Variants in EPG5 observed in about 807,000 individuals in gnomAD.
EPG5 encodes ectopic P-granules 5 autophagy tethering factor.
In EPG5, 159 loss-of-function variants were observed where a neutral mutation model predicts 302.7. The observed-to-expected ratio is 0.53, with a 90% CI of 0.46 to 0.60. The LOEUF is 0.60. Ranked by LOEUF, EPG5 falls within the 20% of genes least tolerant of loss-of-function variation. The pLI, the probability that EPG5 is intolerant of heterozygous loss-of-function variation, is 0.00. For synonymous variants in EPG5, 1,158 were observed against 1,136.8 expected (o/e 1.02, Z -0.37); for missense variants, 2,896 against 3,092.4 (o/e 0.94, Z 1.51).
At position 45,916,000 on chromosome 18, in the gene EPG5, G is replaced by GTTAA. The variant is rs928783336; in HGVS notation, c.3582+5_3582+8dup. On this transcript the variant is annotated intron_variant, in intron 19 of 43. Coordinates refer to ENST00000282041, the MANE Select transcript of EPG5 (RefSeq NM_020964.3). ...CACTGAAAGATAAATTCTCTAACAGGTTAATTACCTTATGTTGTTGGTAGA... is the reference window on the plus strand; with the variant it reads ...CACTGAAAGATAAATTCTCTAACAGGTTAATTAATTACCTTATGTTGTTGGTAGA... The GTTAA allele has an allele frequency of 1.2e-6, 2 of 1,601,540 alleles. No homozygotes were observed. The highest frequency in any genetic ancestry group is 2.7e-5 in the African/African-American group (2 of 74,374).
At chr18:45,861,889 G>A (rs2048643970) in intron 39 of EPG5, among the ~76,000 whole-genome samples, 1 of 151,964 alleles carries the variant, frequency 6.6e-6, no homozygotes, top group Non-Finnish European at 1.5e-5. Flanking sequence ...ATTAATTACT[G>A]ATGTAGCTGG....
the EPG5 span, among the ~76,000 whole-genome samples, chr18:45,827,319 C>T: frequency 6.6e-6 from 1 of 152,186 alleles, no homozygotes; most frequent in South Asian, 2.1e-4. Context: ...GATTTGAACC[C>T]AGGTGTGTGG....
chr18:45,853,615 A>C (rs1045491600), intron 43 of EPG5, among the ~76,000 whole-genome samples: 3 of 152,212 alleles, frequency 2.0e-5, no homozygotes, highest in Non-Finnish European at 2.9e-5. Context: ...GAAAATATGT[A>C]TTAAAAGATG....
intron 10 of EPG5, among the ~76,000 whole-genome samples, chr18:45,937,065 G>A (rs9959763): frequency 0.29 from 43,970 of 151,502 alleles, 8,689 homozygotes; most frequent in African/African-American, 0.55. Context: ...TATCTTATTA[G>A]TTAATTATCC....
chr18:45,919,506 C>T (rs2050105190), intron 16 of EPG5, among the ~76,000 whole-genome samples: 1 of 150,338 alleles, frequency 6.7e-6, no homozygotes, highest in African/African-American at 2.5e-5. Context: ...AGGCATGTTA[C>T]ATGTGTGGTT....
intron 16 of EPG5, among the ~76,000 whole-genome samples, chr18:45,918,681 A>T (rs1411395312): frequency 6.6e-6 from 1 of 152,246 alleles, no homozygotes; most frequent in Non-Finnish European, 1.5e-5. Context: ...TCAATTGGAA[A>T]TATTATTGTA....
chr18:45,815,011 T>C, the EPG5 span, among the ~76,000 whole-genome samples: 1 of 152,144 alleles, frequency 6.6e-6, no homozygotes, highest in African/African-American at 2.4e-5. Flanking sequence ...GCCTCAGAGG[T>C]GAGTGCTCTC....
At position 45,889,947 on chromosome 18, in the gene EPG5, A is replaced by G; in HGVS notation, c.4810-7T>C. On this transcript the variant is annotated splice_polypyrimidine_tract_variant and splice_region_variant and intron_variant, in intron 27 of 43. Coordinates refer to ENST00000282041, the MANE Select transcript of EPG5 (RefSeq NM_020964.3). ...TCTTATGCATGCCTTCAAACTAACA[A>G]AAATTAAAGTTATCAAAAGACATTT... The G allele has an allele frequency of 6.4e-7, 1 of 1,559,570 alleles. No homozygotes were observed. Among genetic ancestry groups the G allele is most frequent in the Non-Finnish European group, 8.7e-7 (1 of 1,149,522 alleles).
At position 45,858,001 on chromosome 18, in the gene EPG5, T is replaced by A. The variant is rs768694584; in HGVS notation, c.7294A>T (p.Thr2432Ser). Reference protein sequence around the residue: ...HQVLQLSLIQTEQNDSVLTES... With the variant: ...HQVLQLSLIQSEQNDSVLTES... ...GTCAGGACGGAGTCATTCTGCTCTGTCTGAATGAGGGAGAGCTGAAGGACT... is the reference window on the plus strand; with the variant it reads ...GTCAGGACGGAGTCATTCTGCTCTGACTGAATGAGGGAGAGCTGAAGGACT... The change falls in exon 42 of 44, where the codon ACA becomes TCA. Residue 2432 changes from threonine to serine, a missense_variant. Around this residue, in one of 5 missense-constraint regions of EPG5, gnomAD observed 620 missense variants for 704.2 expected, o/e 0.88. Transcript: ENST00000282041. The A allele has an allele frequency of 4.3e-6, 7 of 1,613,750 alleles. No homozygotes were observed. Among genetic ancestry groups the A allele is most frequent in the African/African-American group, 1.3e-5 (1 of 74,938 alleles).
chr18:45,924,778 T>G (rs926090284), intron 14 of EPG5, among the ~76,000 whole-genome samples: 1 of 152,216 alleles, frequency 6.6e-6, no homozygotes, highest in Non-Finnish European at 1.5e-5. Context: ...AACAACTCTA[T>G]GCGCAGTGGC....
intron 24 of EPG5, among the ~76,000 whole-genome samples, chr18:45,905,996 G>A (rs8091448): frequency 6.6e-6 from 1 of 151,896 alleles, no homozygotes; most frequent in Admixed American, 6.6e-5. Flanking sequence ...TTCTCTGTGC[G>A]TTAAATGCTG....
intron 4 of EPG5, among the ~76,000 whole-genome samples, chr18:45,950,169 C>T (rs997789982): frequency 6.6e-6 from 1 of 152,186 alleles, no homozygotes; most frequent in African/African-American, 2.4e-5. Flanking sequence ...GATACTTTAT[C>T]TAAAATGCAC....
intron 31 of EPG5, 139 bp downstream of exon 31, chr18:45,882,135 C>A: frequency 1.3e-6 from 1 of 757,604 alleles, no homozygotes; most frequent in Non-Finnish European, 2.1e-6. Flanking sequence ...TTCATCAAGC[C>A]CTTTAGATGA....
intron 22 of EPG5, among the ~76,000 whole-genome samples, chr18:45,912,050 G>C (rs772180054): frequency 3.9e-5 from 6 of 152,110 alleles, no homozygotes; most frequent in African/African-American, 7.2e-5. Context: ...CCCAATCCCA[G>C]GGTGTTGTCT....
chr18:45,836,890 C>T, the EPG5 span: 1 of 597,990 alleles, frequency 1.7e-6, no homozygotes, highest in African/African-American at 1.9e-5. Flanking sequence ...GCCTCTAGTG[C>T]ACTAGAATGC....
At chr18:45,830,202 G>A in the EPG5 span, among the ~76,000 whole-genome samples, 1 of 152,328 alleles carries the variant, frequency 6.6e-6, no homozygotes, top group Non-Finnish European at 1.5e-5. Context: ...GGAGATTTTG[G>A]TCAGCTGTGG....
intron 35 of EPG5, among the ~76,000 whole-genome samples, chr18:45,872,039 ATATAAT>A (rs1270975880): frequency 6.6e-6 from 1 of 152,266 alleles, no homozygotes; most frequent in Non-Finnish European, 1.5e-5. Context: ...CCATCAATGT[ATATAAT>A]TATGATTTGT....
At chr18:45,959,320 G>A (rs942551004) in intron 1 of EPG5, among the ~76,000 whole-genome samples, 8 of 151,392 alleles carry the variant, frequency 5.3e-5, no homozygotes, top group African/African-American at 1.9e-4. Context: ...CAGCCTGGGT[G>A]ACAGAGTCAG....
At chr18:45,825,857 TGGAAGGCA>T in the EPG5 span, 1 of 1,566,516 alleles carries the variant, frequency 6.4e-7, no homozygotes, top group African/African-American at 1.3e-5. Flanking sequence ...CAGTCTCCCC[TGGAAGGCA>T]GGAAGCAGGT....
Sources: gnomAD v4.1 joint callset for allele counts (sites outside exome capture counted in the v4.1 genomes callset) on GRCh38, gnomAD v4.1.1 for gene constraint, gnomAD v4.1.1 regional missense constraint, MANE v1.5 for transcripts, NCBI Gene and HGNC (gene_info 2026-07-23, HGNC 2026-07-21) for gene names.